The following ATXN2 variants were observed in gnomAD, a reference collection of about 807,000 sequenced individuals.
ATXN2 encodes the protein ataxin 2.
A neutral mutation model predicts 138.6 loss-of-function variants in ATXN2; 37 were observed. The ratio of observed to expected loss-of-function variants is 0.27; its 90% CI spans 0.21 to 0.35. The LOEUF (loss-of-function observed/expected upper bound fraction) is 0.35. ATXN2 is among the 10% of genes least tolerant of loss of function. The pLI is 1.00. For missense variants in ATXN2, 1,216 were observed against 1,480.3 expected (o/e 0.82, Z 2.93); for synonymous variants, 549 against 543.7 (o/e 1.01, Z -0.13).
At chr12:111,548,192 A>AAAAC (rs1225644424) in intron 5 of ATXN2, among the ~76,000 whole-genome samples, 4 of 152,182 alleles carry the variant, frequency 2.6e-5, no homozygotes, top group Non-Finnish European at 4.4e-5. Flanking sequence ...ACTCTGTCTC[A>AAAAC]AAACAAACAA....
chr12:111,585,462 A>C (rs1350023294), intron 1 of ATXN2, among the ~76,000 whole-genome samples: 1 of 151,534 alleles, frequency 6.6e-6, no homozygotes, highest in Non-Finnish European at 1.5e-5. Context: ...GCAGTGGGCC[A>C]AGATTGTACC....
chr12:111,559,345 C>G (rs1340302316), intron 1 of ATXN2, among the ~76,000 whole-genome samples: 1 of 151,668 alleles, frequency 6.6e-6, no homozygotes, highest in African/African-American at 2.4e-5. Context: ...GTGATCCACC[C>G]ACCTCAGCCT....
chr12:111,544,729 A>G (rs1291112117), intron 5 of ATXN2, among the ~76,000 whole-genome samples: 1 of 152,202 alleles, frequency 6.6e-6, no homozygotes, highest in African/African-American at 2.4e-5. Context: ...AAAATACAGA[A>G]GAGGAAATTC....
intron 5 of ATXN2, among the ~76,000 whole-genome samples, chr12:111,528,086 T>G (rs753599720): frequency 6.6e-6 from 1 of 152,212 alleles, no homozygotes; most frequent in African/African-American, 2.4e-5. Flanking sequence ...CCTTTACGTC[T>G]AAGATCCTGT....
At chr12:111,515,994 A>T (rs983235423) in intron 10 of ATXN2, among the ~76,000 whole-genome samples, 160 bp downstream of exon 10, 13 of 152,344 alleles carry the variant, frequency 8.5e-5, no homozygotes, top group Admixed American at 8.5e-4. Context: ...ATTTCTCTCT[A>T]ATGAACAAAA....
intron 14 of ATXN2, among the ~76,000 whole-genome samples, chr12:111,508,989 G>A (rs1879349693): frequency 6.6e-6 from 1 of 152,092 alleles, no homozygotes; most frequent in South Asian, 2.1e-4. Flanking sequence ...TTTCTAAGAA[G>A]CTAAGTTTCA....
chr12:111,572,542 T>C (rs909907560), intron 1 of ATXN2, among the ~76,000 whole-genome samples: 3 of 152,090 alleles, frequency 2.0e-5, no homozygotes, highest in Non-Finnish European at 4.4e-5. Flanking sequence ...CCAACACAAG[T>C]AGAGTTGAAG....
At chr12:111,572,845 T>C (rs1883411125) in intron 1 of ATXN2, among the ~76,000 whole-genome samples, 2 of 152,172 alleles carry the variant, frequency 1.3e-5, no homozygotes, top group Admixed American at 6.6e-5. Flanking sequence ...GTGAGTTCCA[T>C]ACTCTAATTT....
At chr12:111,457,109 TG>T in intron 22 of ATXN2, 104 bp downstream of exon 22, 1 of 1,359,774 alleles carries the variant, frequency 7.4e-7, no homozygotes, top group Non-Finnish European at 1.0e-6. Flanking sequence ...TTCACGAGGG[TG>T]GACATGCCAT....
At chr12:111,477,923 C>T (rs537540390) in intron 18 of ATXN2, among the ~76,000 whole-genome samples, 1 of 151,936 alleles carries the variant, frequency 6.6e-6, no homozygotes, top group Non-Finnish European at 1.5e-5. Context: ...GTAGCTGGGA[C>T]CATAGGAATG....
intron 14 of ATXN2, among the ~76,000 whole-genome samples, chr12:111,493,573 T>C (rs1878193164): frequency 6.6e-6 from 1 of 152,080 alleles, no homozygotes; most frequent in African/African-American, 2.4e-5. Flanking sequence ...TATAAACTAC[T>C]ACTCATATTT....
rs1195206577 is a variant in ATXN2, at chr12:111,516,951, T to C, written c.1166-588A>G. 1.3e-5 allele frequency among the ~76,000 whole-genome samples: 2 copies of C among 152,176 alleles called. No homozygotes were observed. Among genetic ancestry groups the C allele is most frequent in the African/African-American group, 4.8e-5 (2 of 41,436 alleles). On this transcript the variant is annotated intron_variant, in intron 9 of 24. Transcript: ENST00000673436. The surrounding 1 kb of genome is among the most constrained non-coding windows in gnomAD (Gnocchi z 5.0). Reference sequence around the variant, plus strand: ...AAATAAAACATTACTCTTCTAGAGTTTGTGACTCCTGTGAGTATCAAATGA... The same window carrying C: ...AAATAAAACATTACTCTTCTAGAGTCTGTGACTCCTGTGAGTATCAAATGA...
chr12:111,475,479 TTC>T, intron 18 of ATXN2, among the ~76,000 whole-genome samples: 1 of 150,724 alleles, frequency 6.6e-6, no homozygotes, highest in Non-Finnish European at 1.5e-5. Flanking sequence ...GATTTATCTT[TTC>T]TGTTTCTTTT....
At chr12:111,506,754 A>T (rs1402715410) in intron 14 of ATXN2, among the ~76,000 whole-genome samples, 1 of 151,072 alleles carries the variant, frequency 6.6e-6, no homozygotes, top group Non-Finnish European at 1.5e-5. Flanking sequence ...GGCTCACTGC[A>T]ACCTCCCTGC....
intron 5 of ATXN2, among the ~76,000 whole-genome samples, chr12:111,545,081 C>A (rs1881732915): frequency 6.6e-6 from 1 of 151,722 alleles, no homozygotes; most frequent in Admixed American, 6.6e-5. Context: ...ATGGCGTGAA[C>A]CCGGGAGGCG....
Position 111,555,830 on chromosome 12 carries a change from GATC to G in ATXN2, c.288+50_288+52del, listed in dbSNP as rs1433181291. 1.6e-5 allele frequency: 24 copies of G among 1,460,946 alleles called. No homozygotes were observed. The South Asian group carries it at 2.9e-4, about 18-fold the overall frequency. 90.5% of individuals were successfully genotyped at this position (1,460,946 alleles called of 1,614,324 possible). On this transcript the variant is annotated intron_variant, in intron 2 of 24. Transcript: ENST00000673436. ...CCTTGGCATTTGGTCTGTGGTTAGAGATCATGTTTTAGCTACTAATTTTCCCCA... is the reference window on the plus strand; with the variant it reads ...CCTTGGCATTTGGTCTGTGGTTAGAGATGTTTTAGCTACTAATTTTCCCCA...
chr12:111,565,748 C>T (rs1202085186), intron 1 of ATXN2, among the ~76,000 whole-genome samples: 1 of 152,148 alleles, frequency 6.6e-6, no homozygotes, highest in Non-Finnish European at 1.5e-5. Context: ...ACAATCCCAG[C>T]ACTTTGGGAG....
Position 111,599,190 on chromosome 12 carries a change from G to C in ATXN2, c.-156C>G. 8.3e-7 allele frequency: 1 copy of C among 1,204,486 alleles called. No homozygotes were observed. 74.6% of individuals were successfully genotyped at this position (1,204,486 alleles called of 1,614,324 possible). On this transcript the variant is annotated 5_prime_UTR_variant, in exon 1 of 25. Coordinates refer to ENST00000673436, the MANE Select transcript of ATXN2 (RefSeq NM_001372574.1). ...GGGGCGCCCGGGCTGGCGAGGGGGA[G>C]AAGGAGGACGACGAAGGGGCGGGGA...
At chr12:111,513,947 C>T (rs1879704660) in intron 10 of ATXN2, among the ~76,000 whole-genome samples, 1 of 151,814 alleles carries the variant, frequency 6.6e-6, no homozygotes, top group African/African-American at 2.4e-5. Context: ...ATATATTTTA[C>T]CTTTCCCTGA....
Sources: allele counts gnomAD v4.1 joint callset (sites outside exome capture counted in the v4.1 genomes callset), GRCh38; gene constraint gnomAD v4.1.1; non-coding constraint Gnocchi (gnomAD v3.1); transcripts MANE v1.5; gene names NCBI Gene and HGNC (gene_info 2026-07-23, HGNC 2026-07-21).